ARHGAP10: variants seen among roughly 807,000 people sequenced by gnomAD.
ARHGAP10 encodes Rho GTPase activating protein 10.
ARHGAP10 carries 87 observed loss-of-function variants against 108.6 expected under a neutral mutation model. That is an observed-to-expected ratio of 0.80 (90% CI 0.67 to 0.96). The LOEUF (loss-of-function observed/expected upper bound fraction) is 0.96, where lower values mean the gene tolerates loss of function less well. Ranked by LOEUF, ARHGAP10 falls within the 40% of genes least tolerant of loss-of-function variation. The pLI is 0.00. For missense variants in ARHGAP10, 939 were observed against 954.5 expected, an observed-to-expected ratio of 0.98 and a Z score of 0.21; for synonymous variants, 347 against 341.1, an observed-to-expected ratio of 1.02 and a Z score of -0.19.
chr4:147,780,711 C>G (rs1485647996), intron 1 of ARHGAP10, among the ~76,000 whole-genome samples: 2 of 152,118 alleles, frequency 1.3e-5, no homozygotes, highest in African/African-American at 4.8e-5. Context: ...ACAAGCCTGC[C>G]TCATCTTGTG....
intron 18 of ARHGAP10, among the ~76,000 whole-genome samples, chr4:148,019,976 A>G (rs770466484): frequency 6.6e-6 from 1 of 151,812 alleles, no homozygotes. Flanking sequence ...ATGAATTTCA[A>G]TTTTTTTTGA....
chr4:147,765,698 G>A (rs1193630199), intron 1 of ARHGAP10, among the ~76,000 whole-genome samples: 1 of 152,148 alleles, frequency 6.6e-6, no homozygotes, highest in East Asian at 1.9e-4. Flanking sequence ...TACTCGGGAG[G>A]CTGAGGTGGG....
rs199690124 is a variant in ARHGAP10, at chr4:147,887,683, T to TA, written c.1034+5754dup. On this transcript the variant is annotated intron_variant, in intron 10 of 22. Coordinates refer to ENST00000336498, the MANE Select transcript of ARHGAP10 (RefSeq NM_024605.4). ...GCAAGAGCAGCCTGACCGATATGGT[T>TA]AAACCCCATCTCTACTAAAAATACA... Among the ~76,000 whole-genome samples, 152 of 151,844 alleles carry TA rather than the reference T, an allele frequency of 1.0e-3. 5 individuals are homozygous for TA. The East Asian group carries it at 0.028, about 28-fold the overall frequency.
intron 19 of ARHGAP10, among the ~76,000 whole-genome samples, chr4:148,040,158 T>C (rs948736830): frequency 6.6e-6 from 1 of 152,154 alleles, no homozygotes; most frequent in Non-Finnish European, 1.5e-5. Flanking sequence ...ACAATGTTCT[T>C]GTCCTTGGGA....
At chr4:147,881,766 C>T in intron 9 of ARHGAP10, 72 bp from the exon 10 acceptor site, 1 of 1,375,636 alleles carries the variant, frequency 7.3e-7, no homozygotes, top group Non-Finnish European at 1.0e-6. Context: ...CCCTGCTCTC[C>T]AGTATAGAAT....
At chr4:147,824,465 T>C (rs1293823986) in intron 3 of ARHGAP10, among the ~76,000 whole-genome samples, 1 of 152,206 alleles carries the variant, frequency 6.6e-6, no homozygotes, top group Non-Finnish European at 1.5e-5. Flanking sequence ...TTACCTTGAC[T>C]GTGTGCCAGT....
intron 1 of ARHGAP10, among the ~76,000 whole-genome samples, chr4:147,818,730 A>G (rs1401953705): frequency 6.6e-6 from 1 of 152,232 alleles, no homozygotes; most frequent in Non-Finnish European, 1.5e-5. Context: ...AATGGACTGC[A>G]TTAAGTTTAG....
At chr4:147,898,453 T>C (rs1736087457) in intron 10 of ARHGAP10, among the ~76,000 whole-genome samples, 1 of 152,104 alleles carries the variant, frequency 6.6e-6, no homozygotes, top group South Asian at 2.1e-4. Flanking sequence ...TAAATAATTT[T>C]TATGATTTTT....
intron 3 of ARHGAP10, among the ~76,000 whole-genome samples, chr4:147,834,211 T>C (rs1481061702): frequency 6.6e-6 from 1 of 152,162 alleles, no homozygotes; most frequent in Non-Finnish European, 1.5e-5. Context: ...GGCTTACACC[T>C]GTAGTCCCAG....
chr4:147,952,503 T>A (rs1738640123), intron 15 of ARHGAP10, among the ~76,000 whole-genome samples: 2 of 152,218 alleles, frequency 1.3e-5, no homozygotes, highest in Non-Finnish European at 2.9e-5. Flanking sequence ...ACTTCTCTAA[T>A]GACTAGTAAT....
intron 3 of ARHGAP10, among the ~76,000 whole-genome samples, chr4:147,845,890 T>A (rs2126816065): frequency 6.6e-6 from 1 of 152,340 alleles, no homozygotes; most frequent in African/African-American, 2.4e-5. Context: ...GGAGTCAGGA[T>A]TCCTGGCTGG....
At chr4:147,976,483 T>C (rs912619396) in intron 18 of ARHGAP10, among the ~76,000 whole-genome samples, 10 of 152,062 alleles carry the variant, frequency 6.6e-5, no homozygotes, top group Non-Finnish European at 1.3e-4. Context: ...CCATCCCCAG[T>C]TTTCATGAAT....
intron 19 of ARHGAP10, among the ~76,000 whole-genome samples, chr4:148,044,277 G>A (rs1479935827): frequency 6.6e-6 from 1 of 152,092 alleles, no homozygotes; most frequent in South Asian, 2.1e-4. Flanking sequence ...TCTTTCAAAA[G>A]TAACATTAAA....
At chr4:148,013,371 TC>T (rs1468546192) in intron 18 of ARHGAP10, among the ~76,000 whole-genome samples, 1 of 152,242 alleles carries the variant, frequency 6.6e-6, no homozygotes, top group Non-Finnish European at 1.5e-5. Flanking sequence ...TTCACACATT[TC>T]CTTTTGGAGA....
rs534627270 is a variant in ARHGAP10 at position 147,844,390 on chromosome 4, T to G, written c.313-2761T>G. ...AGATGTACAATTAAATTATTTTGAG[T>G]ATGGTCACTCTGTTGTGTTATCAAA... On this transcript the variant is annotated intron_variant, in intron 3 of 22. Transcript: ENST00000336498. Among the ~76,000 whole-genome samples the G allele has an allele frequency of 7.2e-5, 11 of 152,318 alleles. No individual in the cohort carries two copies. In the South Asian group the frequency reaches 2.1e-3, roughly 29 times the overall value.
intron 18 of ARHGAP10, among the ~76,000 whole-genome samples, chr4:147,984,325 T>C (rs1739945699): frequency 1.3e-5 from 2 of 152,196 alleles, no homozygotes; most frequent in African/African-American, 4.8e-5. Context: ...GCCCAAACTC[T>C]CCAGGCCCCA....
chr4:147,976,157 T>A (rs551912808), intron 18 of ARHGAP10, among the ~76,000 whole-genome samples: 1 of 152,268 alleles, frequency 6.6e-6, no homozygotes, highest in Admixed American at 6.5e-5. Flanking sequence ...GTGAGTAATA[T>A]CCAAACCATT....
At chr4:147,962,335 C>T (rs565288061) in intron 16 of ARHGAP10, among the ~76,000 whole-genome samples, 2 of 152,350 alleles carry the variant, frequency 1.3e-5, no homozygotes, top group East Asian at 3.9e-4. Flanking sequence ...CGAACAACAA[C>T]AGTACTAATG....
At chr4:147,890,543 T>C (rs1179796853) in intron 10 of ARHGAP10, among the ~76,000 whole-genome samples, 2 of 152,172 alleles carry the variant, frequency 1.3e-5, no homozygotes, top group African/African-American at 2.4e-5. Flanking sequence ...ATGCAAGTGG[T>C]TGGCTGGGTG....
Sources: gnomAD v4.1 joint callset for allele counts (sites outside exome capture counted in the v4.1 genomes callset) on GRCh38, gnomAD v4.1.1 for gene constraint, MANE v1.5 for transcripts, NCBI Gene and HGNC (gene_info 2026-07-23, HGNC 2026-07-21) for gene names.